The following MYO1B variants were observed in gnomAD, a reference collection of about 807,000 sequenced individuals.
The protein encoded by MYO1B is myosin IB.
MYO1B carries 72 observed loss-of-function variants against 159.7 expected under a neutral mutation model. The observed-to-expected ratio is 0.45, with a 90% CI of 0.37 to 0.55. The LOEUF is 0.55. Among genes scored for constraint, MYO1B ranks in the 20% least tolerant of loss-of-function variants. MYO1B has a pLI of 0.00. For missense variants in MYO1B, 1,062 were observed against 1,364.8 expected (o/e 0.78, Z 3.50); for synonymous variants, 468 against 473.8 (o/e 0.99, Z 0.16).
chr2:191,354,277 T>G (rs1224644494), intron 7 of MYO1B, among the ~76,000 whole-genome samples: 1 of 148,468 alleles, frequency 6.7e-6, no homozygotes, highest in African/African-American at 2.5e-5. Flanking sequence ...ATAATAATAA[T>G]AATAATAATA....
chr2:191,390,157 AAAGT>A (rs1695656633), intron 17 of MYO1B, 131 bp from the exon 18 acceptor site: 1 of 767,452 alleles, frequency 1.3e-6, no homozygotes, highest in African/African-American at 1.7e-5. Context: ...AATAATTTCA[AAAGT>A]AATGACTAGG....
At chr2:191,279,550 T>G (rs548624971) in intron 2 of MYO1B, among the ~76,000 whole-genome samples, 10 of 152,268 alleles carry the variant, frequency 6.6e-5, no homozygotes, top group African/African-American at 2.4e-4. Flanking sequence ...TAAATTTGAT[T>G]ACCACACTCT....
intron 2 of MYO1B, among the ~76,000 whole-genome samples, chr2:191,291,175 AG>A (rs1371596559): frequency 6.6e-6 from 1 of 152,124 alleles, no homozygotes; most frequent in African/African-American, 2.4e-5. Flanking sequence ...TGGTCTGGGG[AG>A]TGGAGGTGGC....
chr2:191,324,497 TAGAA>T (rs1690928052), intron 3 of MYO1B, among the ~76,000 whole-genome samples: 1 of 152,200 alleles, frequency 6.6e-6, no homozygotes, highest in Non-Finnish European at 1.5e-5. Flanking sequence ...ATGTGAAATG[TAGAA>T]ACCTTCCAAC....
At chr2:191,256,834 A>G (rs1387811681) in intron 1 of MYO1B, among the ~76,000 whole-genome samples, 1 of 152,190 alleles carries the variant, frequency 6.6e-6, no homozygotes, top group East Asian at 1.9e-4. Context: ...GTACCTTCCC[A>G]TTTGTGCTTA....
At chr2:191,391,260 A>G (rs1695732250) in intron 18 of MYO1B, among the ~76,000 whole-genome samples, 1 of 152,228 alleles carries the variant, frequency 6.6e-6, no homozygotes, top group Non-Finnish European at 1.5e-5. Flanking sequence ...TCATGGGCCT[A>G]GGCAGGAAAT....
chr2:191,263,957 T>G (rs1473879772), intron 1 of MYO1B, among the ~76,000 whole-genome samples: 1 of 152,190 alleles, frequency 6.6e-6, no homozygotes, highest in Non-Finnish European at 1.5e-5. Flanking sequence ...GTCTTATAGG[T>G]TGATTTGTTT....
chr2:191,384,821 A>G (rs1695304871), intron 15 of MYO1B, among the ~76,000 whole-genome samples: 1 of 152,330 alleles, frequency 6.6e-6, no homozygotes, highest in South Asian at 2.1e-4. Flanking sequence ...CCCTTGCTAT[A>G]TGATTGAAGA....
intron 6 of MYO1B, among the ~76,000 whole-genome samples, chr2:191,347,857 A>G (rs1212158919): frequency 1.3e-5 from 2 of 152,222 alleles, no homozygotes; most frequent in Non-Finnish European, 2.9e-5. Context: ...GGAAATTGCA[A>G]TGTCTTCGAC....
At chr2:191,384,502 T>G (rs1453215311) in intron 15 of MYO1B, among the ~76,000 whole-genome samples, 1 of 152,190 alleles carries the variant, frequency 6.6e-6, no homozygotes, top group Non-Finnish European at 1.5e-5. Flanking sequence ...TTCTAAGGCA[T>G]CACTATTTTT....
intron 1 of MYO1B, among the ~76,000 whole-genome samples, chr2:191,262,556 T>A (rs1334975629): frequency 1.3e-5 from 2 of 152,040 alleles, no homozygotes; most frequent in Non-Finnish European, 2.9e-5. Flanking sequence ...GCCATCTTGA[T>A]GTGTGACATA....
At chr2:191,275,193 C>T (rs562018806) in intron 1 of MYO1B, among the ~76,000 whole-genome samples, 2 of 152,204 alleles carry the variant, frequency 1.3e-5, no homozygotes, top group Admixed American at 6.5e-5. Flanking sequence ...CATGAGCCAC[C>T]GCACCTGGCC....
intron 23 of MYO1B, 100 bp downstream of exon 23, chr2:191,400,935 GCT>G: frequency 8.9e-7 from 1 of 1,127,090 alleles, no homozygotes; most frequent in Non-Finnish European, 1.3e-6. Context: ...ATTAATAGTG[GCT>G]CACACTGGTG....
At chr2:191,265,274 C>T (rs1305433023) in intron 1 of MYO1B, among the ~76,000 whole-genome samples, 2 of 150,808 alleles carry the variant, frequency 1.3e-5, no homozygotes, top group Non-Finnish European at 2.9e-5. Context: ...CAGAACCAAT[C>T]CGGAGTGGCC....
At chr2:191,321,904 A>G (rs377232545) in intron 3 of MYO1B, among the ~76,000 whole-genome samples, 29 of 152,056 alleles carry the variant, frequency 1.9e-4, no homozygotes, top group African/African-American at 6.8e-4. Flanking sequence ...AGTGAGTACA[A>G]CGCCTCTTAC....
At chr2:191,366,383 G>T (rs76926367) in intron 11 of MYO1B, among the ~76,000 whole-genome samples, 2 of 145,832 alleles carry the variant, frequency 1.4e-5, no homozygotes, top group Admixed American at 6.8e-5. Flanking sequence ...TTAGTCAACT[G>T]TTTTTTTTTT....
intron 2 of MYO1B, 136 bp downstream of exon 2, chr2:191,277,166 A>G (rs1399985833): frequency 9.3e-7 from 1 of 1,075,648 alleles, no homozygotes; most frequent in Non-Finnish European, 1.3e-6. Flanking sequence ...ACCCTCAGAA[A>G]GAGTTGAGTT....
At chr2:191,381,986 A>C (rs749301989) in intron 14 of MYO1B, among the ~76,000 whole-genome samples, 3 of 152,192 alleles carry the variant, frequency 2.0e-5, no homozygotes, top group African/African-American at 4.8e-5. Flanking sequence ...CTGAGTCCTT[A>C]CTACATAGCA....
chr2:191,383,788 G>C (rs933120047), intron 15 of MYO1B, among the ~76,000 whole-genome samples: 11 of 151,936 alleles, frequency 7.2e-5, no homozygotes, highest in Non-Finnish European at 1.5e-4. Context: ...TGTGAGTACT[G>C]ATCAGAGTAG....
Sources: gnomAD v4.1 joint callset for allele counts (sites outside exome capture counted in the v4.1 genomes callset) on GRCh38, gnomAD v4.1.1 for gene constraint, MANE v1.5 for transcripts, NCBI Gene and HGNC (gene_info 2026-07-23, HGNC 2026-07-21) for gene names.